GPRIN3: variants seen among roughly 807,000 people sequenced by gnomAD.
GPRIN3 encodes GPRIN family member 3, also known as G protein-regulated inducer of neurite outgrowth 3.
A neutral mutation model predicts 13.7 loss-of-function variants in GPRIN3; 12 were observed. The observed-to-expected ratio is 0.87, with a 90% confidence interval of 0.56 to 1.42. GPRIN3 has a LOEUF of 1.42. Ranked by LOEUF, GPRIN3 falls within the 40% of genes most tolerant of loss-of-function variation. The probability of loss-of-function intolerance (pLI) is 0.00; values close to 1 mark genes in which losing one functional copy is unlikely to be tolerated. For synonymous variants in GPRIN3, 377 were observed against 372.7 expected (o/e 1.01, Z -0.13); for missense variants, 1,009 against 958.7 (o/e 1.05, Z -0.69).
chr4:89,276,824 T>C (rs1724107258), intron 1 of GPRIN3, among the ~76,000 whole-genome samples: 1 of 152,128 alleles, frequency 6.6e-6, no homozygotes, highest in Non-Finnish European at 1.5e-5. Context: ...CTTCACCTAC[T>C]GAGAATCTAG....
In GPRIN3 at chr4:89,256,044, G is replaced by A. The variant is rs77597246; in HGVS notation, c.-123-5811C>T. ...GGTAAACATTATCCACCTTTTACAG[G>A]GAGGGAAACTGAGGCCCAGAGGCTA... On this transcript the variant is annotated intron_variant, in intron 1 of 1. Coordinates refer to ENST00000609438, the MANE Select transcript of GPRIN3 (RefSeq NM_198281.3). Among the ~76,000 whole-genome samples the A allele has an allele frequency of 2.9e-3, 448 of 152,140 alleles. 3 individuals are homozygous for A. The highest frequency in any genetic ancestry group is 0.01 in the African/African-American group (427 of 41,506).
intron 1 of GPRIN3, among the ~76,000 whole-genome samples, chr4:89,293,445 A>C (rs899953247): frequency 1.3e-5 from 2 of 152,182 alleles, no homozygotes; most frequent in Non-Finnish European, 1.5e-5. Flanking sequence ...AGTGCAGCTC[A>C]CTGACCTCCC....
chr4:89,260,975 T>A (rs1357204151), intron 1 of GPRIN3, among the ~76,000 whole-genome samples: 1 of 152,176 alleles, frequency 6.6e-6, no homozygotes, highest in Non-Finnish European at 1.5e-5. Flanking sequence ...ACTTCCTGCA[T>A]TAAACAGAAT....
At chr4:89,288,490 T>G (rs1350710150) in intron 1 of GPRIN3, among the ~76,000 whole-genome samples, 1 of 152,344 alleles carries the variant, frequency 6.6e-6, no homozygotes, top group African/African-American at 2.4e-5. Flanking sequence ...TCAGGTTTAA[T>G]ATATTCTACA....
rs377369002 is a variant in GPRIN3 at position 89,305,010 on chromosome 4, A to G, written c.-124+2605T>C. Among the ~76,000 whole-genome samples, 24 of 152,334 alleles carry G rather than the reference A, an allele frequency of 1.6e-4. 1 individual carries two copies. In the East Asian group the frequency reaches 4.2e-3, roughly 27 times the overall value. On this transcript the variant is annotated intron_variant, in intron 1 of 1. Coordinates refer to ENST00000609438, the MANE Select transcript of GPRIN3 (RefSeq NM_198281.3). The stretch of plus-strand genomic sequence containing the variant: ...TATTTGAAGAATATAAATTTGGGTA[A>G]TCTGAATACCATAGATCCTCAAAAT...
At chr4:89,256,408 A>C (rs1013525946) in intron 1 of GPRIN3, among the ~76,000 whole-genome samples, 1 of 152,150 alleles carries the variant, frequency 6.6e-6, no homozygotes, top group African/African-American at 2.4e-5. Context: ...GAAAATAGTG[A>C]GTTCCACTAC....
At position 89,249,821 on chromosome 4, in the gene GPRIN3, G is replaced by C. The variant is rs1723268478; in HGVS notation, c.290C>G (p.Pro97Arg). 2 of 1,614,060 alleles carry C rather than the reference G, an allele frequency of 1.2e-6. No homozygotes were observed. The highest frequency in any genetic ancestry group is 1.7e-6 in the Non-Finnish European group (2 of 1,180,034). ...GCTCCCTGGCAGCTGGGGATTGCCG[G>C]GAGAGTTGAATGTGGCAGGTGCTTT... ...VQKAPATFNSPGNPQLPGSSQ... is the reference protein window; with the variant it reads ...VQKAPATFNSRGNPQLPGSSQ... Residue 97 changes from proline to arginine, a missense_variant, in exon 2 of 2, where the codon CCC becomes CGC. Pro to Arg is a moderately radical substitution (Grantham distance 103, BLOSUM62 -2). Transcript: ENST00000609438.
intron 1 of GPRIN3, among the ~76,000 whole-genome samples, chr4:89,298,189 T>A (rs916827718): frequency 2.0e-5 from 3 of 152,150 alleles, no homozygotes; most frequent in Non-Finnish European, 4.4e-5. Context: ...ATTCTACATC[T>A]TATATCTGTT....
intron 1 of GPRIN3, among the ~76,000 whole-genome samples, chr4:89,288,613 A>G (rs1246803586): frequency 6.6e-6 from 1 of 152,198 alleles, no homozygotes; most frequent in Admixed American, 6.5e-5. Flanking sequence ...CACTCTCATG[A>G]GAGTTTCAGA....
intron 1 of GPRIN3, among the ~76,000 whole-genome samples, chr4:89,295,020 TC>T (rs1022107481): frequency 1.9e-4 from 29 of 152,134 alleles, no homozygotes; most frequent in African/African-American, 7.0e-4. Context: ...TACAAAAAGC[TC>T]AAAAAACTGA....
chr4:89,292,463 T>A (rs1561227146), intron 1 of GPRIN3, among the ~76,000 whole-genome samples: 1 of 152,206 alleles, frequency 6.6e-6, no homozygotes, highest in Non-Finnish European at 1.5e-5. Flanking sequence ...ACAAATTAGA[T>A]CACATATATT....
chr4:89,272,316 T>A (rs1723980714), intron 1 of GPRIN3, among the ~76,000 whole-genome samples: 1 of 152,152 alleles, frequency 6.6e-6, no homozygotes, highest in African/African-American at 2.4e-5. Flanking sequence ...AACAGACTCA[T>A]AAAATGGCAA....
Position 89,277,974 on chromosome 4 carries a change from C to T in GPRIN3, c.-123-27741G>A, listed in dbSNP as rs377616746. ...TTGTTTTTCACCACCCCGTATTTTC[C>T]TTGGGTGATCTCTCCCAATCCCACA... On this transcript the variant is annotated intron_variant, in intron 1 of 1. Coordinates refer to ENST00000609438, the MANE Select transcript of GPRIN3 (RefSeq NM_198281.3). 2.6e-5 allele frequency among the ~76,000 whole-genome samples: 4 copies of T among 152,284 alleles called. No individual in the cohort carries two copies. The East Asian group carries it at 7.7e-4, about 29-fold the overall frequency.
intron 1 of GPRIN3, among the ~76,000 whole-genome samples, chr4:89,272,188 A>G (rs147654972): frequency 7.2e-5 from 11 of 152,290 alleles, no homozygotes; most frequent in Middle Eastern, 3.4e-3. Context: ...GTAACGGGTT[A>G]TGGAGGGTGG....
Position 89,245,512 on chromosome 4 carries a change from T to A in GPRIN3, c.*2268A>T, listed in dbSNP as rs1723069811. Reference sequence around the variant, plus strand: ...TGTGGTTACTCTAAAGTCATGAAAATAAATATTATTATCAGAGGCGAAATT... The same window carrying A: ...TGTGGTTACTCTAAAGTCATGAAAAAAAATATTATTATCAGAGGCGAAATT... On this transcript the variant is annotated 3_prime_UTR_variant, in exon 2 of 2. Coordinates refer to ENST00000609438, the MANE Select transcript of GPRIN3 (RefSeq NM_198281.3). The A allele has an allele frequency of 6.6e-6, 1 of 152,214 alleles. No homozygotes were observed. The highest frequency in any genetic ancestry group is 1.9e-4 in the East Asian group (1 of 5,200). The allele number at this position is 152,214 out of a possible 1,614,324, so 9.4% of individuals were successfully genotyped here. A position where few individuals can be genotyped will look rare whatever the true frequency, so the allele number is the denominator to read the frequency against.
In GPRIN3 at chr4:89,246,470, C is replaced by T. The variant is rs1723103813; in HGVS notation, c.*1310G>A. 1 of 152,196 alleles carries T rather than the reference C, an allele frequency of 6.6e-6. No individual in the cohort carries two copies. The highest frequency in any genetic ancestry group is 2.4e-5 in the African/African-American group (1 of 41,436). The allele number at this position is 152,196 out of a possible 1,614,324, so 9.4% of individuals were successfully genotyped here. The stretch of plus-strand genomic sequence containing the variant: ...CTCATGTGTCTCGGGACACACGTCT[C>T]TTCTGGAGACACGGGAGGGCCAAGG... On this transcript the variant is annotated 3_prime_UTR_variant, in exon 2 of 2. Transcript: ENST00000609438.
Position 89,247,519 on chromosome 4 carries a change from A to G in GPRIN3, c.*261T>C, listed in dbSNP as rs1337355791. 2.5e-6 allele frequency: 1 copy of G among 397,324 alleles called. No individual in the cohort carries two copies. The highest frequency in any genetic ancestry group is 2.0e-5 in the African/African-American group (1 of 48,862). The allele number at this position is 397,324 out of a possible 1,614,324, so 24.6% of individuals were successfully genotyped here. On this transcript the variant is annotated 3_prime_UTR_variant, in exon 2 of 2. Coordinates refer to ENST00000609438, the MANE Select transcript of GPRIN3 (RefSeq NM_198281.3). ...ACATCATATTTTTAAAAACCCAGTGAGTATTATTTTCAATTTGTTAAGGTT... is the reference window on the plus strand; with the variant it reads ...ACATCATATTTTTAAAAACCCAGTGGGTATTATTTTCAATTTGTTAAGGTT...
rs1723156194 is a variant in GPRIN3 at position 89,247,982 on chromosome 4, T to C, written c.2129A>G (p.Gln710Arg). Residue 710 changes from glutamine (Q) to arginine (R), a missense_variant, in exon 2 of 2, where the codon CAG becomes CGG. By Grantham distance (43) the Gln-to-Arg change is conservative (BLOSUM62 1). Transcript: ENST00000609438. ...CCTGATTTGTCTTTGCAAATGGTTC[T>C]GGATCGCGATTCCCAGGGACTCTGC... ...LDAESLGIAIQNHLQRQIREH... is the reference protein window; with the variant it reads ...LDAESLGIAIRNHLQRQIREH... 6.2e-6 allele frequency: 10 copies of C among 1,614,184 alleles called. No homozygotes were observed. Among genetic ancestry groups the C allele is most frequent in the Non-Finnish European group, 8.5e-6 (10 of 1,180,024 alleles).
chr4:89,257,781 A>C (rs1723509328), intron 1 of GPRIN3, among the ~76,000 whole-genome samples: 1 of 152,172 alleles, frequency 6.6e-6, no homozygotes, highest in African/African-American at 2.4e-5. Flanking sequence ...GAAAACTCAA[A>C]AAGCATAGTG....
Sources: gnomAD v4.1 joint callset for allele counts (sites outside exome capture counted in the v4.1 genomes callset) on GRCh38, gnomAD v4.1.1 for gene constraint, MANE v1.5 for transcripts, NCBI Gene and HGNC (gene_info 2026-07-23, HGNC 2026-07-21) for gene names.